Variants in MYT1L observed in about 807,000 individuals in gnomAD.
MYT1L encodes myelin transcription factor 1 like.
A neutral mutation model predicts 126.7 loss-of-function variants in MYT1L; 12 were observed. The ratio of observed to expected loss-of-function variants is 0.09; its 90% CI spans 0.06 to 0.15. MYT1L has a LOEUF of 0.15. MYT1L is among the 10% of genes least tolerant of loss of function. MYT1L has a pLI of 1.00. For synonymous variants in MYT1L, 541 were observed against 604.2 expected (o/e 0.90, Z 1.53); for missense variants, 979 against 1,585.2 (o/e 0.62, Z 6.49).
chr2:2,155,240 A>C (rs2086533505), intron 3 of MYT1L, among the ~76,000 whole-genome samples: 2 of 152,212 alleles, frequency 1.3e-5, no homozygotes, highest in Admixed American at 1.3e-4. Context: ...GTAAATTTAA[A>C]AACTTCTGTG....
At chr2:2,070,675 T>C (rs2074496079) in intron 3 of MYT1L, among the ~76,000 whole-genome samples, 1 of 152,204 alleles carries the variant, frequency 6.6e-6, no homozygotes, top group Non-Finnish European at 1.5e-5. Flanking sequence ...ATTCAAAATA[T>C]TAAAGCAGGC....
intron 2 of MYT1L, among the ~76,000 whole-genome samples, chr2:2,271,737 C>T (rs1378530781): frequency 6.6e-6 from 1 of 152,214 alleles, no homozygotes; most frequent in African/African-American, 2.4e-5. Flanking sequence ...CTCGCCCTGT[C>T]CTCACTCTGG....
At chr2:2,291,597 C>T (rs1434536671) in intron 1 of MYT1L, among the ~76,000 whole-genome samples, 9 of 152,222 alleles carry the variant, frequency 5.9e-5, no homozygotes, top group Non-Finnish European at 1.3e-4. Context: ...CAAGAGGAAG[C>T]CGCTCAGTTC....
chr2:2,011,004 G>A (rs1286789654), intron 4 of MYT1L, among the ~76,000 whole-genome samples: 2 of 152,216 alleles, frequency 1.3e-5, no homozygotes, highest in African/African-American at 2.4e-5. Context: ...GATGGAGTTG[G>A]TGGCAGCCTG....
At chr2:2,052,855 C>G (rs929894319) in intron 4 of MYT1L, among the ~76,000 whole-genome samples, 1 of 152,134 alleles carries the variant, frequency 6.6e-6, no homozygotes, top group African/African-American at 2.4e-5. Flanking sequence ...TATGGTGCAG[C>G]CACTATTGAA....
intron 3 of MYT1L, among the ~76,000 whole-genome samples, chr2:2,145,890 A>T (rs2084804384): frequency 6.6e-6 from 1 of 152,216 alleles, no homozygotes; most frequent in African/African-American, 2.4e-5. Flanking sequence ...TTATAAAATG[A>T]TTGTTTCAAA....
chr2:1,934,176 G>C (rs933700532), intron 9 of MYT1L, among the ~76,000 whole-genome samples: 1 of 151,114 alleles, frequency 6.6e-6, no homozygotes, highest in Non-Finnish European at 1.5e-5. Flanking sequence ...GGGTTTCATC[G>C]TGTTAGCCAG....
chr2:1,900,542 G>A (rs929704517), intron 14 of MYT1L, among the ~76,000 whole-genome samples: 3 of 151,938 alleles, frequency 2.0e-5, no homozygotes, highest in East Asian at 1.9e-4. Context: ...CTCGTGATCC[G>A]CCCACCTCGG....
At chr2:1,855,877 GGAA>G (rs1429802225) in intron 18 of MYT1L, among the ~76,000 whole-genome samples, 2 of 151,886 alleles carry the variant, frequency 1.3e-5, no homozygotes, top group Non-Finnish European at 2.9e-5. Flanking sequence ...TAAAAAAAAA[GGAA>G]GAAGAATTGA....
chr2:2,126,303 A>G (rs2081681548), intron 3 of MYT1L, among the ~76,000 whole-genome samples: 1 of 152,204 alleles, frequency 6.6e-6, no homozygotes, highest in Admixed American at 6.5e-5. Context: ...ATGCATTTTA[A>G]TGTTTGCACT....
rs1249876476 is a variant in MYT1L at position 2,279,560 on chromosome 2, T to TGAAGGAAG, written c.-421+4843_-421+4844insCTTCCTTC. Among the ~76,000 whole-genome samples, 97 of 56,930 alleles carry TGAAGGAAG rather than the reference T, an allele frequency of 1.7e-3. 1 individual carries two copies. The highest frequency in any genetic ancestry group is 6.6e-3 in the African/African-American group (94 of 14,330). 37.3% of individuals were successfully genotyped at this position (56,930 alleles called of 152,430 possible). ...AGGAGAGAGAGAAAGAGAGAAGGAA[T>TGAAGGAAG]GAATGAATGAAGGAAGGAAGGAAGG... On this transcript the variant is annotated intron_variant, in intron 2 of 24. Coordinates refer to ENST00000647738, the MANE Select transcript of MYT1L (RefSeq NM_001303052.2).
intron 3 of MYT1L, among the ~76,000 whole-genome samples, chr2:2,169,218 T>C (rs983959096): frequency 6.6e-6 from 1 of 152,224 alleles, no homozygotes; most frequent in Non-Finnish European, 1.5e-5. Flanking sequence ...GACACTGAAC[T>C]ACTTACAGGA....
intron 3 of MYT1L, among the ~76,000 whole-genome samples, chr2:2,137,312 C>A (rs2083207401): frequency 6.6e-6 from 1 of 152,184 alleles, no homozygotes; most frequent in Non-Finnish European, 1.5e-5. Flanking sequence ...CTACCAATGA[C>A]TTTCTTCACA....
chr2:2,232,501 C>A (rs2094185081), intron 2 of MYT1L, among the ~76,000 whole-genome samples: 1 of 152,224 alleles, frequency 6.6e-6, no homozygotes, highest in Non-Finnish European at 1.5e-5. Flanking sequence ...GTAGGTGCCT[C>A]TGTAGCATGG....
At chr2:1,900,522 A>G (rs952722353) in intron 14 of MYT1L, among the ~76,000 whole-genome samples, 6 of 152,042 alleles carry the variant, frequency 3.9e-5, no homozygotes, top group Non-Finnish European at 8.8e-5. Flanking sequence ...GATGGTCTTG[A>G]TCTCCTGACC....
intron 4 of MYT1L, among the ~76,000 whole-genome samples, chr2:2,003,967 C>T (rs1227882487): frequency 6.6e-6 from 1 of 151,298 alleles, no homozygotes; most frequent in Non-Finnish European, 1.5e-5. Flanking sequence ...GCGTTCTTTC[C>T]TGCAGGCATT....
At chr2:2,307,472 C>A (rs1161781483) in intron 1 of MYT1L, among the ~76,000 whole-genome samples, 1 of 152,024 alleles carries the variant, frequency 6.6e-6, no homozygotes, top group Non-Finnish European at 1.5e-5. Context: ...ATAGAATTGG[C>A]AGGAAGTAGC....
intron 21 of MYT1L, among the ~76,000 whole-genome samples, chr2:1,813,987 A>G (rs1168707412): frequency 1.5e-5 from 2 of 137,342 alleles, no homozygotes; most frequent in Non-Finnish European, 3.1e-5. Flanking sequence ...AGATCGCGCC[A>G]CTGCACTCCA....
At chr2:2,057,707 A>G (rs2069791970) in intron 3 of MYT1L, among the ~76,000 whole-genome samples, 1 of 152,244 alleles carries the variant, frequency 6.6e-6, no homozygotes, top group African/African-American at 2.4e-5. Context: ...TACACTGTGC[A>G]AACCTTGCAG....
Sources: allele counts gnomAD v4.1 joint callset (sites outside exome capture counted in the v4.1 genomes callset), GRCh38; gene constraint gnomAD v4.1.1; transcripts MANE v1.5; gene names NCBI Gene and HGNC (gene_info 2026-07-23, HGNC 2026-07-21).